RBFOX1: variants seen among roughly 807,000 people sequenced by gnomAD.
RBFOX1 encodes the protein RNA binding fox-1 homolog 1, also known as RNA binding protein fox-1 homolog 1.
In RBFOX1, 8 loss-of-function variants were observed where a neutral mutation model predicts 57.7. The observed-to-expected ratio is 0.14, with a 90% CI of 0.08 to 0.25. RBFOX1 has a LOEUF of 0.25. Ranked by LOEUF, RBFOX1 falls within the 10% of genes least tolerant of loss-of-function variation. The pLI is 1.00. For missense variants in RBFOX1, 611 were observed against 548.5 expected (o/e 1.11, Z -1.14); for synonymous variants, 326 against 222.4 (o/e 1.47, Z -4.15).
At position 5,855,402 on chromosome 16, in the gene RBFOX1, T is replaced by C. The variant is rs150878882; in HGVS notation, c.319-11901T>C. Among the ~76,000 whole-genome samples, 806 of 152,324 alleles carry C rather than the reference T, an allele frequency of 5.3e-3. 11 individuals are homozygous for C. The highest frequency in any genetic ancestry group is 0.016 in the Admixed American group (247 of 15,296). ...TCCATTTTGAGTAGGTTATTGTATA[T>C]AGTGTGAAATAAGGATTCAATTATA... On this transcript the variant is annotated intron_variant, in intron 3 of 19. Coordinates refer to the RBFOX1 transcript ENST00000641259.
chr16:7,171,877 C>G (rs545355509), intron 4 of RBFOX1, among the ~76,000 whole-genome samples: 1 of 152,264 alleles, frequency 6.6e-6, no homozygotes, highest in East Asian at 1.9e-4. Context: ...TGAGACACAT[C>G]TCTGCTTATG....
chr16:7,691,081 C>G (rs977531758), intron 14 of RBFOX1, among the ~76,000 whole-genome samples: 6 of 151,994 alleles, frequency 3.9e-5, no homozygotes, highest in African/African-American at 1.4e-4. Context: ...CTTATGGTGA[C>G]CTTTCTGGGA....
At chr16:5,603,576 T>G (rs2047440279), downstream of RBFOX1, among the ~76,000 whole-genome samples, 1 of 152,234 alleles carries the variant, frequency 6.6e-6, no homozygotes, top group South Asian at 2.1e-4. Context: ...CAATTACTTG[T>G]GCAAGTCCTG....
chr16:5,540,953 G>A (rs2044919910), intron 2 of RBFOX1, among the ~76,000 whole-genome samples: 1 of 152,090 alleles, frequency 6.6e-6, no homozygotes, highest in African/African-American at 2.4e-5. Flanking sequence ...TGGTTCATGT[G>A]ATTGTCCTGC....
At chr16:6,777,311 G>C (rs1461207643) in intron 3 of RBFOX1, among the ~76,000 whole-genome samples, 1 of 152,074 alleles carries the variant, frequency 6.6e-6, no homozygotes, top group Non-Finnish European at 1.5e-5. Context: ...CTGCATTTTA[G>C]CAAGGTATTT....
intron 3 of RBFOX1, among the ~76,000 whole-genome samples, chr16:6,847,676 T>C (rs7206564): frequency 0.019 from 2,909 of 152,260 alleles, 86 homozygotes; most frequent in African/African-American, 0.066. Context: ...TACAAGAGGC[T>C]GATACGGTTA....
intron 2 of RBFOX1, among the ~76,000 whole-genome samples, chr16:6,338,827 C>G (rs1881228950): frequency 6.6e-6 from 1 of 152,140 alleles, no homozygotes; most frequent in South Asian, 2.1e-4. Flanking sequence ...AGAAATGTAT[C>G]CAAAGGAACT....
intron 3 of RBFOX1, among the ~76,000 whole-genome samples, chr16:6,734,652 C>T (rs765977368): frequency 2.0e-5 from 3 of 152,080 alleles, no homozygotes; most frequent in Non-Finnish European, 4.4e-5. Context: ...GTGATAGTTT[C>T]TCCTCTCATT....
intron 4 of RBFOX1, among the ~76,000 whole-genome samples, chr16:7,118,433 G>C (rs1016977390): frequency 4.6e-5 from 7 of 152,036 alleles, no homozygotes; most frequent in African/African-American, 1.4e-4. Context: ...GAAGGAGGGA[G>C]GCAAGGAGGA....
chr16:6,487,824 G>A (rs12596828), intron 2 of RBFOX1, among the ~76,000 whole-genome samples: 1 of 144,572 alleles, frequency 6.9e-6, no homozygotes, highest in Non-Finnish European at 1.5e-5. Flanking sequence ...TGGAATTCTA[G>A]ATTCATGTTT....
At chr16:5,330,944 C>T (rs2064737633) in intron 1 of RBFOX1, among the ~76,000 whole-genome samples, 1 of 150,634 alleles carries the variant, frequency 6.6e-6, no homozygotes, top group African/African-American at 2.4e-5. Context: ...CAGGGATATT[C>T]TTTAGATAGC....
intron 2 of RBFOX1, among the ~76,000 whole-genome samples, chr16:6,606,081 C>G (rs1200543057): frequency 1.3e-5 from 2 of 151,854 alleles, no homozygotes; most frequent in Non-Finnish European, 2.9e-5. Flanking sequence ...TGCACTCTAG[C>G]CTGGGTGACA....
chr16:6,085,073 C>G (rs534573198), intron 1 of RBFOX1, among the ~76,000 whole-genome samples: 3 of 152,190 alleles, frequency 2.0e-5, no homozygotes, highest in Non-Finnish European at 4.4e-5. Context: ...CCAAAGCTGT[C>G]TCAGGCAGAG....
Position 5,723,726 on chromosome 16 carries a change from C to T in RBFOX1, c.318+124765C>T, listed in dbSNP as rs180859651. Among the ~76,000 whole-genome samples the T allele has an allele frequency of 7.2e-5, 11 of 152,208 alleles. No homozygotes were observed. The East Asian group carries it at 2.1e-3, about 30-fold the overall frequency. Reference sequence around the variant, plus strand: ...GTCTCAGGCTTGGGCTGGATGGTGTCTGAGGTCTGATTGTGAGATCTTTGG... The same window carrying T: ...GTCTCAGGCTTGGGCTGGATGGTGTTTGAGGTCTGATTGTGAGATCTTTGG... On this transcript the variant is annotated intron_variant, in intron 3 of 19. Coordinates refer to the RBFOX1 transcript ENST00000641259.
intron 1 of RBFOX1, among the ~76,000 whole-genome samples, chr16:6,105,803 G>A (rs2096371425): frequency 6.6e-6 from 1 of 151,972 alleles, no homozygotes; most frequent in Non-Finnish European, 1.5e-5. Flanking sequence ...TGAGAACTCA[G>A]GCACTTAATT....
At chr16:7,673,927 C>T (rs1481975898) in intron 13 of RBFOX1, among the ~76,000 whole-genome samples, 1 of 152,088 alleles carries the variant, frequency 6.6e-6, no homozygotes, top group Non-Finnish European at 1.5e-5. Context: ...GGTCTGGTGA[C>T]AGCAATTGAA....
intron 1 of RBFOX1, among the ~76,000 whole-genome samples, chr16:5,297,684 C>T (rs1015458095): frequency 2.6e-5 from 4 of 152,182 alleles, no homozygotes; most frequent in African/African-American, 9.6e-5. Context: ...TTCTCCCATC[C>T]CATAGGCTGT....
chr16:5,269,172 C>G (rs1326278642), intron 1 of RBFOX1, among the ~76,000 whole-genome samples: 2 of 152,242 alleles, frequency 1.3e-5, no homozygotes, highest in Non-Finnish European at 2.9e-5. Context: ...CCACCTTGGT[C>G]TCCCAAAGTG....
chr16:7,115,450 C>T lies in RBFOX1; in HGVS notation c.27+63352C>T, dbSNP rs530845933. On this transcript the variant is annotated intron_variant, in intron 4 of 15. Coordinates refer to ENST00000550418, the MANE Select transcript of RBFOX1 (RefSeq NM_018723.4). ...CTATGTAATTACCACCTCATAGTTG[C>T]TGTGGACTGAGAGTCCGAAAGCATG... is the stretch of plus-strand genomic sequence containing the variant. Among the ~76,000 whole-genome samples, 15 of 152,318 alleles carry T rather than the reference C, an allele frequency of 9.8e-5. No homozygotes were observed. The South Asian group carries it at 2.9e-3, about 29-fold the overall frequency.
Sources: gnomAD v4.1 joint callset for allele counts (sites outside exome capture counted in the v4.1 genomes callset) on GRCh38, gnomAD v4.1.1 for gene constraint, MANE v1.5 for transcripts, NCBI Gene and HGNC (gene_info 2026-07-23, HGNC 2026-07-21) for gene names.